Variants in HS3ST4 observed in about 807,000 individuals in gnomAD.
HS3ST4 encodes heparan sulfate-glucosamine 3-sulfotransferase 4.
A neutral mutation model predicts 29.2 loss-of-function variants in HS3ST4; 17 were observed. The observed-to-expected ratio is 0.58, with a 90% CI of 0.40 to 0.87. The LOEUF (loss-of-function observed/expected upper bound fraction) is 0.87. HS3ST4 is among the 40% of genes least tolerant of loss of function. The probability of loss-of-function intolerance (pLI) is 0.00; values close to 1 mark genes in which losing one functional copy is unlikely to be tolerated. For synonymous variants in HS3ST4, 314 were observed against 285.7 expected (o/e 1.10, Z -1.00); for missense variants, 627 against 634.5 (o/e 0.99, Z 0.13).
intron 1 of HS3ST4, among the ~76,000 whole-genome samples, chr16:25,819,455 T>G (rs1967125656): frequency 6.6e-6 from 1 of 152,140 alleles, no homozygotes; most frequent in Non-Finnish European, 1.5e-5. Context: ...GATTTCCCCC[T>G]GGAAGTCTTA....
chr16:26,131,016 G>C (rs936813111), intron 1 of HS3ST4, among the ~76,000 whole-genome samples: 2 of 152,190 alleles, frequency 1.3e-5, no homozygotes, highest in South Asian at 4.1e-4. Flanking sequence ...ATGCTACCAT[G>C]TAGCCACTGG....
At chr16:25,700,463 G>C (rs1020812447) in intron 1 of HS3ST4, among the ~76,000 whole-genome samples, 7 of 152,140 alleles carry the variant, frequency 4.6e-5, no homozygotes, top group Admixed American at 3.9e-4. Flanking sequence ...AGATTTGGCT[G>C]CTTTCACCGG....
chr16:26,027,520 G>T (rs780227747), intron 1 of HS3ST4, among the ~76,000 whole-genome samples: 2 of 152,114 alleles, frequency 1.3e-5, no homozygotes, highest in African/African-American at 2.4e-5. Flanking sequence ...CTAGATTTAT[G>T]CCCCTATCTC....
At chr16:26,107,250 T>TAC (rs372826067) in intron 1 of HS3ST4, among the ~76,000 whole-genome samples, 43 of 151,620 alleles carry the variant, frequency 2.8e-4, no homozygotes, top group South Asian at 2.1e-3. Flanking sequence ...AACACAAAAC[T>TAC]ACACACACAC....
chr16:25,883,630 A>G (rs1237370514), intron 1 of HS3ST4, among the ~76,000 whole-genome samples: 1 of 152,230 alleles, frequency 6.6e-6, no homozygotes, highest in East Asian at 1.9e-4. Flanking sequence ...CAAGGAAAGC[A>G]GTGACATTTC....
At chr16:25,777,731 G>C (rs1966848936) in intron 1 of HS3ST4, among the ~76,000 whole-genome samples, 1 of 152,140 alleles carries the variant, frequency 6.6e-6, no homozygotes, top group African/African-American at 2.4e-5. Flanking sequence ...TCGCGCCACT[G>C]CACTCCAGCC....
At chr16:26,100,927 G>A (rs929422450) in intron 1 of HS3ST4, among the ~76,000 whole-genome samples, 2 of 152,124 alleles carry the variant, frequency 1.3e-5, no homozygotes, top group African/African-American at 4.8e-5. Context: ...CTAAGCCAGG[G>A]CTCAAAGGCA....
Position 26,024,486 on chromosome 16 carries a change from C to G in HS3ST4, c.735-111126C>G, listed in dbSNP as rs62034503. Among the ~76,000 whole-genome samples the G allele has an allele frequency of 1.4e-3, 215 of 152,206 alleles. 1 individual carries two copies. The highest frequency in any genetic ancestry group is 2.7e-3 in the Admixed American group (42 of 15,276). On this transcript the variant is annotated intron_variant, in intron 1 of 1. Coordinates refer to ENST00000331351, the MANE Select transcript of HS3ST4 (RefSeq NM_006040.3). Reference sequence around the variant, plus strand: ...GTAGCTTACACCTGTAATCCCATCACTTTAGGAGGCTGAGGCAGGCAGATC... The same window carrying G: ...GTAGCTTACACCTGTAATCCCATCAGTTTAGGAGGCTGAGGCAGGCAGATC...
intron 1 of HS3ST4, among the ~76,000 whole-genome samples, chr16:26,122,259 G>C (rs1409078189): frequency 1.3e-5 from 2 of 150,782 alleles, no homozygotes; most frequent in African/African-American, 2.4e-5. Flanking sequence ...CAAACATGTA[G>C]ATTCAGTGAT....
intron 1 of HS3ST4, chr16:25,826,138 A>T (rs995744117): frequency 6.6e-6 from 1 of 152,206 alleles, no homozygotes; most frequent in Admixed American, 6.5e-5. Context: ...CTTGCTCATT[A>T]TGGAGCTCAG....
At chr16:25,826,471 C>T (rs1967216587) in intron 1 of HS3ST4, 1 of 152,140 alleles carries the variant, frequency 6.6e-6, no homozygotes, top group Admixed American at 6.5e-5. Flanking sequence ...GAATTTCCCC[C>T]TGGTGGGTCT....
intron 1 of HS3ST4, among the ~76,000 whole-genome samples, chr16:26,127,022 T>C (rs1225067304): frequency 6.6e-6 from 1 of 151,900 alleles, no homozygotes; most frequent in African/African-American, 2.4e-5. Flanking sequence ...GAGTGTGTGA[T>C]GGTGGTGGTG....
At chr16:26,117,520 T>C (rs1465217476) in intron 1 of HS3ST4, among the ~76,000 whole-genome samples, 1 of 152,228 alleles carries the variant, frequency 6.6e-6, no homozygotes, top group Admixed American at 6.5e-5. Context: ...CTATTCCATG[T>C]TATATCTGCA....
chr16:25,902,509 T>C (rs1198648053), intron 1 of HS3ST4, among the ~76,000 whole-genome samples: 1 of 151,782 alleles, frequency 6.6e-6, no homozygotes, highest in Non-Finnish European at 1.5e-5. Flanking sequence ...TAAAAAAAGA[T>C]GAAACCATAG....
intron 1 of HS3ST4, among the ~76,000 whole-genome samples, chr16:26,074,064 C>T (rs1485055916): frequency 6.6e-6 from 1 of 152,098 alleles, no homozygotes. Flanking sequence ...TGTTGGTAAT[C>T]CCCCTCAGCC....
intron 1 of HS3ST4, among the ~76,000 whole-genome samples, chr16:26,061,419 T>C (rs532648608): frequency 6.6e-6 from 1 of 152,312 alleles, no homozygotes; most frequent in South Asian, 2.1e-4. Flanking sequence ...CTTCCAAGTC[T>C]CCACATCTCT....
chr16:25,734,118 A>G (rs1459864164), intron 1 of HS3ST4, among the ~76,000 whole-genome samples: 2 of 151,974 alleles, frequency 1.3e-5, no homozygotes, highest in Non-Finnish European at 2.9e-5. Context: ...CTCCGTCTCA[A>G]AAAAACAAAA....
At position 25,842,519 on chromosome 16, in the gene HS3ST4, T is replaced by G. The variant is rs191655528; in HGVS notation, c.734+149368T>G. 2.6e-5 allele frequency among the ~76,000 whole-genome samples: 4 copies of G among 152,368 alleles called. No individual in the cohort carries two copies. In the East Asian group the frequency reaches 7.7e-4, roughly 29 times the overall value. The stretch of plus-strand genomic sequence containing the variant: ...GGAAGAAGCTGCCTTTTTCATCTTT[T>G]TCTTCCCAGTATCTTGGACCTGGAC... On this transcript the variant is annotated intron_variant, in intron 1 of 1. Coordinates refer to ENST00000331351, the MANE Select transcript of HS3ST4 (RefSeq NM_006040.3).
intron 1 of HS3ST4, among the ~76,000 whole-genome samples, chr16:25,993,980 GT>G (rs1596638527): frequency 7.2e-6 from 1 of 139,438 alleles, no homozygotes. Context: ...GTGTGTGTGT[GT>G]GTGTGTGTGT....
Sources: allele counts gnomAD v4.1 joint callset (sites outside exome capture counted in the v4.1 genomes callset), GRCh38; gene constraint gnomAD v4.1.1; transcripts MANE v1.5; gene names NCBI Gene and HGNC (gene_info 2026-07-23, HGNC 2026-07-21).